Variants in ACYP2 observed in about 807,000 individuals in gnomAD.
ACYP2 encodes acylphosphatase-2.
ACYP2 carries 12 observed loss-of-function variants against 11.2 expected under a neutral mutation model. That is an observed-to-expected ratio of 1.08 (90% CI 0.69 to 1.74). The LOEUF (loss-of-function observed/expected upper bound fraction) is 1.74, where lower values mean the gene tolerates loss of function less well. Ranked by LOEUF, ACYP2 falls within the 40% of genes most tolerant of loss-of-function variation. ACYP2 has a pLI of 0.00. For missense variants in ACYP2, 134 were observed against 101.9 expected, an observed-to-expected ratio of 1.31 and a Z score of -1.35; for synonymous variants, 43 against 32.2, an observed-to-expected ratio of 1.33 and a Z score of -1.13.
intron 6 of ACYP2, among the ~76,000 whole-genome samples, chr2:54,223,266 G>A (rs1302642597): frequency 2.6e-5 from 4 of 152,090 alleles, no homozygotes; most frequent in African/African-American, 9.7e-5. Context: ...AACCTTAAAT[G>A]GTGAGAACCG....
At chr2:54,272,466 TA>T (rs11322993) in intron 6 of ACYP2, among the ~76,000 whole-genome samples, 101,214 of 152,044 alleles carry the variant, frequency 0.67, 33,958 homozygotes, top group Admixed American at 0.73. Flanking sequence ...ATAGTAAGTC[TA>T]ATGTGAAAGT....
intron 6 of ACYP2, among the ~76,000 whole-genome samples, chr2:54,175,343 G>A (rs1558588274): frequency 1.3e-5 from 2 of 152,206 alleles, no homozygotes; most frequent in South Asian, 4.1e-4. Context: ...ATTCTCTGAT[G>A]GTAGTTTGTA....
chr2:54,011,868 C>T (rs1461244647), intron 2 of ACYP2, among the ~76,000 whole-genome samples: 3 of 152,022 alleles, frequency 2.0e-5, no homozygotes, highest in Non-Finnish European at 2.9e-5. Flanking sequence ...GGTTTCAAGT[C>T]TCTTCTAGCT....
chr2:53,974,542 A>T (rs1671370251), intron 2 of ACYP2, among the ~76,000 whole-genome samples: 1 of 152,218 alleles, frequency 6.6e-6, no homozygotes, highest in Non-Finnish European at 1.5e-5. Context: ...CAGAAAATTG[A>T]TTTAAAAAGT....
chr2:54,036,703 C>T (rs1182810642), intron 2 of ACYP2, among the ~76,000 whole-genome samples: 2 of 152,158 alleles, frequency 1.3e-5, no homozygotes, highest in Admixed American at 6.5e-5. Context: ...GGAGAAAATG[C>T]ACAAATTAGG....
chr2:54,276,202 A>G (rs1688558178), intron 6 of ACYP2, among the ~76,000 whole-genome samples: 1 of 151,074 alleles, frequency 6.6e-6, no homozygotes, highest in Non-Finnish European at 1.5e-5. Context: ...AAAAAGTAAA[A>G]GTCCTTAGCA....
At chr2:54,027,470 C>A (rs534905169) in intron 2 of ACYP2, among the ~76,000 whole-genome samples, 1 of 152,172 alleles carries the variant, frequency 6.6e-6, no homozygotes, top group African/African-American at 2.4e-5. Context: ...TTCCATCATA[C>A]CTTTTGTCTT....
chr2:54,195,348 A>G (rs1684418875), intron 6 of ACYP2, among the ~76,000 whole-genome samples: 1 of 152,198 alleles, frequency 6.6e-6, no homozygotes. Context: ...TATTTTAGAT[A>G]TATATCCTTT....
chr2:54,156,849 G>T (rs1283565209), intron 6 of ACYP2, among the ~76,000 whole-genome samples: 1 of 152,074 alleles, frequency 6.6e-6, no homozygotes, highest in East Asian at 1.9e-4. Flanking sequence ...TGTAGTGTTA[G>T]TAGAAATGCG....
chr2:54,178,001 T>C (rs1045255952), intron 6 of ACYP2, among the ~76,000 whole-genome samples: 1 of 150,862 alleles, frequency 6.6e-6, no homozygotes, highest in Non-Finnish European at 1.5e-5. Flanking sequence ...ACCTCCCAGA[T>C]TCAAGCAATT....
intron 4 of ACYP2, among the ~76,000 whole-genome samples, chr2:54,113,331 C>G (rs7565453): frequency 0.25 from 37,119 of 151,216 alleles, 5,114 homozygotes; most frequent in South Asian, 0.47. Context: ...CCTCTGCCTC[C>G]TGGGCAAAAG....
intron 6 of ACYP2, among the ~76,000 whole-genome samples, chr2:54,146,158 A>G (rs1681870791): frequency 6.6e-6 from 1 of 152,180 alleles, no homozygotes; most frequent in South Asian, 2.1e-4. Flanking sequence ...TCTCACACTA[A>G]GAATTTTGAA....
intron 4 of ACYP2, among the ~76,000 whole-genome samples, chr2:54,106,734 C>A (rs998240429): frequency 2.0e-5 from 3 of 152,054 alleles, no homozygotes; most frequent in African/African-American, 7.2e-5. Context: ...TAGGTGCCTG[C>A]CACCAAGCCC....
At chr2:54,126,935 C>T (rs979794135) in intron 4 of ACYP2, among the ~76,000 whole-genome samples, 1 of 129,734 alleles carries the variant, frequency 7.7e-6, no homozygotes, top group African/African-American at 2.9e-5. Context: ...GCCTGGGTGA[C>T]AAGAGCGAAA....
intron 2 of ACYP2, among the ~76,000 whole-genome samples, chr2:54,044,448 A>G (rs1014926502): frequency 3.5e-5 from 3 of 85,790 alleles, no homozygotes; most frequent in East Asian, 1.2e-3. Context: ...TACCAAAAGA[A>G]AAAAAAAAAA....
chr2:54,029,983 C>T (rs1166504338), intron 2 of ACYP2: 12 of 245,384 alleles, frequency 4.9e-5, no homozygotes, highest in Non-Finnish European at 2.3e-5. Flanking sequence ...AGGGAGAAGG[C>T]CCGAGATAAT....
At position 54,201,218 on chromosome 2, in the gene ACYP2, G is replaced by C. The variant is rs547080174; in HGVS notation, c.404+62470G>C. The stretch of plus-strand genomic sequence containing the variant: ...CCTCCTGGGTTCACGCCATTCTCCT[G>C]CCTCAGCTTCCCGAGTAGCAGGGAC... On this transcript the variant is annotated intron_variant, in intron 6 of 6. Transcript: ENST00000607452. Among the ~76,000 whole-genome samples, 12 of 151,628 alleles carry C rather than the reference G, an allele frequency of 7.9e-5. No homozygotes were observed. In the South Asian group the frequency reaches 2.3e-3, roughly 29 times the overall value.
chr2:54,034,397 G>T (rs1193811872), intron 2 of ACYP2, among the ~76,000 whole-genome samples: 1 of 152,106 alleles, frequency 6.6e-6, no homozygotes, highest in African/African-American at 2.4e-5. Context: ...TATTTGTATT[G>T]TACCTTTTCT....
At chr2:54,252,257 A>G (rs903813614) in intron 6 of ACYP2, among the ~76,000 whole-genome samples, 3 of 152,202 alleles carry the variant, frequency 2.0e-5, no homozygotes, top group African/African-American at 4.8e-5. Flanking sequence ...TTCTTTCTTA[A>G]TAGTATACCA....
Sources: gnomAD v4.1 joint callset for allele counts (sites outside exome capture counted in the v4.1 genomes callset) on GRCh38, gnomAD v4.1.1 for gene constraint, MANE v1.5 for transcripts, NCBI Gene and HGNC (gene_info 2026-07-23, HGNC 2026-07-21) for gene names.